The following SNX20 variants were observed in gnomAD, a reference collection of about 807,000 sequenced individuals.
The protein encoded by SNX20 is sorting nexin 20, also known as sorting nexin-20.
SNX20 carries 21 observed loss-of-function variants against 24.5 expected under a neutral mutation model. That is an observed-to-expected ratio of 0.86 (90% CI 0.61 to 1.23). The LOEUF is 1.23. Among genes scored for constraint, SNX20 ranks in the 50% most tolerant of loss-of-function variants. The pLI is 0.00. For missense variants in SNX20, 433 were observed against 430.8 expected, an observed-to-expected ratio of 1.00 and a Z score of -0.04; for synonymous variants, 206 against 192.8, an observed-to-expected ratio of 1.07 and a Z score of -0.57.
chr16:50,674,581 G>T (rs1419859062), intron 3 of SNX20, among the ~76,000 whole-genome samples: 2 of 152,180 alleles, frequency 1.3e-5, no homozygotes, highest in African/African-American at 4.8e-5. Flanking sequence ...GGCATCAGCT[G>T]AGTCAACCCT....
intron 2 of SNX20, 110 bp from the exon 3 acceptor site, chr16:50,676,031 A>G (rs2150762231): frequency 8.5e-7 from 1 of 1,181,566 alleles, no homozygotes; most frequent in African/African-American, 1.6e-5. Context: ...ACTCCTGAAG[A>G]GTATTGAATA....
chr16:50,677,611 T>C (rs1963214153), intron 1 of SNX20, 76 bp from the exon 2 acceptor site: 10 of 1,352,316 alleles, frequency 7.4e-6, no homozygotes, highest in Non-Finnish European at 9.7e-6. Context: ...GCCTAGGAGC[T>C]GTGTCATGCC....
chr16:50,667,800 T>C (rs1225453085), downstream of SNX20: 40 of 609,410 alleles, frequency 6.6e-5, 2 homozygotes, highest in Non-Finnish European at 2.6e-5. Flanking sequence ...CAGTCTGCCC[T>C]GAACTGTGCC....
chr16:50,679,618 T>C (rs1963254467), intron 1 of SNX20, among the ~76,000 whole-genome samples: 2 of 152,192 alleles, frequency 1.3e-5, no homozygotes, highest in Non-Finnish European at 2.9e-5. Flanking sequence ...TCAGGAGACA[T>C]CGCCTTCCAT....
chr16:50,677,589 G>A, intron 1 of SNX20, 54 bp from the exon 2 acceptor site: 1 of 1,431,664 alleles, frequency 7.0e-7, no homozygotes, highest in Non-Finnish European at 9.2e-7. Flanking sequence ...GGTTCCCGGT[G>A]GCTCCTGGGG....
rs1011135820 is a variant in SNX20 at position 50,679,620 on chromosome 16, G to A, written c.-10+1570C>T. On this transcript the variant is annotated intron_variant, in intron 1 of 3. Coordinates refer to ENST00000330943, the MANE Select transcript of SNX20 (RefSeq NM_182854.4). Reference sequence around the variant, plus strand: ...GCCTGTCAGGGAGTCAGGAGACATCGCCTTCCATCCTGACCAACCGTGTGT... The same window carrying A: ...GCCTGTCAGGGAGTCAGGAGACATCACCTTCCATCCTGACCAACCGTGTGT... 5.9e-5 allele frequency among the ~76,000 whole-genome samples: 9 copies of A among 152,312 alleles called. No homozygotes were observed. In the South Asian group the frequency reaches 6.2e-4, roughly 11 times the overall value.
rs371209925 is a variant in SNX20, at chr16:50,677,425, G to A, written c.102C>T (p.Leu34=). ...QQEAPATGPD[L]PHPGPDGHLD... is the part of the protein sequence containing the mutation. ...AGTGCCCGTCAGGTCCTGGGTGCGG[G>A]AGGTCGGGGCCAGTGGCTGGTGCTT... is the stretch of plus-strand genomic sequence containing the variant. The change falls in exon 2 of 4, where the codon CTC becomes CTT. Residue 34 remains leucine, a synonymous_variant. Transcript: ENST00000330943. The A allele has an allele frequency of 2.5e-6, 4 of 1,607,348 alleles. No individual in the cohort carries two copies. In the African/African-American group the frequency reaches 4.0e-5, roughly 16 times the overall value.
At chr16:50,679,512 G>A (rs1254049278) in intron 1 of SNX20, among the ~76,000 whole-genome samples, 1 of 152,248 alleles carries the variant, frequency 6.6e-6, no homozygotes, top group Non-Finnish European at 1.5e-5. Flanking sequence ...TGGGCAAACA[G>A]AGGCACGGAG....
At chr16:50,667,370 C>G (rs1180370529), downstream of SNX20, 2 of 153,896 alleles carry the variant, frequency 1.3e-5, no homozygotes, top group African/African-American at 4.8e-5. Flanking sequence ...ATTCTCCCCT[C>G]TCTGTGCTCC....
chr16:50,668,875 C>CA, downstream of SNX20: 1 of 1,407,016 alleles, frequency 7.1e-7, no homozygotes, highest in Non-Finnish European at 9.3e-7. Context: ...GCCAAGGGGT[C>CA]ACAGTCCACC....
chr16:50,678,084 C>A (rs759503598), intron 1 of SNX20, among the ~76,000 whole-genome samples: 1 of 152,080 alleles, frequency 6.6e-6, no homozygotes, highest in Non-Finnish European at 1.5e-5. Context: ...CGCCTGTGGT[C>A]CCAGCTACTT....
Position 50,677,532 on chromosome 16 carries a change from A to G in SNX20, c.-6T>C. On this transcript the variant is annotated 5_prime_UTR_variant, in exon 2 of 4. Transcript: ENST00000330943. Reference sequence around the variant, plus strand: ...GGGTGCTCTGGACTTGCCATGCTCCAAGGCTGCCAGAGGAAAAAGAGAACA... The same window carrying G: ...GGGTGCTCTGGACTTGCCATGCTCCGAGGCTGCCAGAGGAAAAAGAGAACA... 6.4e-7 allele frequency: 1 copy of G among 1,564,388 alleles called. No individual in the cohort carries two copies. Among genetic ancestry groups the G allele is most frequent in the African/African-American group, 1.4e-5 (1 of 72,816 alleles).
intron 3 of SNX20, 24 bp downstream of exon 3, chr16:50,675,746 C>T (rs1326228642): frequency 2.5e-6 from 4 of 1,610,258 alleles, no homozygotes; most frequent in Non-Finnish European, 3.4e-6. Context: ...AAAGAGGCTC[C>T]ACCATTTCCC....
At chr16:50,667,712 G>C, downstream of SNX20, 1 of 413,600 alleles carries the variant, frequency 2.4e-6, no homozygotes, top group Non-Finnish European at 4.3e-6. Flanking sequence ...AACTAGTTTT[G>C]CTGCTCCAAA....
At position 50,673,692 on chromosome 16, in the gene SNX20, C is replaced by T. The variant is rs1277676175; in HGVS notation, c.665G>A (p.Cys222Tyr). 2 of 1,498,990 alleles carry T rather than the reference C, an allele frequency of 1.3e-6. No individual in the cohort carries two copies. The highest frequency in any genetic ancestry group is 5.3e-5 in the East Asian group (2 of 37,950). 92.9% of individuals were successfully genotyped at this position (1,498,990 alleles called of 1,614,324 possible). A position where few individuals can be genotyped will look rare whatever the true frequency, so the allele number is the denominator to read the frequency against. ...LPLQEKLTAH[C>Y]PAAAVPALCA... ...CAGGGCCGGGACGGCGGCCGCAGGG[C>T]AGTGGGCGGTGAGCTTCTCCTGCAG... The change falls in exon 4 of 4, where the codon TGC becomes TAC. Residue 222 changes from cysteine to tyrosine, a missense_variant. Cys to Tyr is a radical substitution (Grantham distance 194). Transcript: ENST00000330943. This position sits in a 1 kb window ranked among gnomAD's most constrained non-coding sequence, Gnocchi z 4.1.
chr16:50,678,327 C>T (rs1003235147), intron 1 of SNX20, among the ~76,000 whole-genome samples: 7 of 152,180 alleles, frequency 4.6e-5, no homozygotes, highest in Admixed American at 6.5e-5. Context: ...CACTTCATAC[C>T]CATCTAGGTT....
Position 50,673,562 on chromosome 16 carries a change from G to GT in SNX20, c.794dup (p.Tyr265Ter). The part of the protein sequence containing the change: ...QRLQAREGHR[Y>*]YAPLLDAMVR... The stretch of plus-strand genomic sequence containing the variant: ...CCATGGCGTCCAGCAGAGGCGCATA[G>GT]TAGCGATGGCCCTCCCGGGCCTGCA... Residue 265 changes from tyrosine to a stop codon, truncating the protein, a stop_gained and frameshift_variant, in exon 4 of 4, where the codon TAC becomes TAAC. Transcript: ENST00000330943. LOFTEE classifies it high-confidence loss of function. The surrounding 1 kb of genome is among the most constrained non-coding windows in gnomAD (Gnocchi z 4.1). 6.2e-7 allele frequency: 1 copy of GT among 1,604,254 alleles called. No individual in the cohort carries two copies. The highest frequency in any genetic ancestry group is 8.5e-7 in the Non-Finnish European group (1 of 1,177,958).
At chr16:50,667,149 C>G (rs948351366), downstream of SNX20, 1 of 152,238 alleles carries the variant, frequency 6.6e-6, no homozygotes, top group African/African-American at 2.4e-5. Context: ...TAACTGGAGG[C>G]GGGCGGTGCA....
chr16:50,674,162 G>A, intron 3 of SNX20, 88 bp from the exon 4 acceptor site: 1 of 1,465,256 alleles, frequency 6.8e-7, no homozygotes, highest in Non-Finnish European at 9.0e-7. Flanking sequence ...AACCAGGCCG[G>A]TGTAAAGCAT....
Sources: gnomAD v4.1 joint callset for allele counts (sites outside exome capture counted in the v4.1 genomes callset) on GRCh38, gnomAD v4.1.1 for gene constraint, Gnocchi (gnomAD v3.1) non-coding constraint, MANE v1.5 for transcripts, NCBI Gene and HGNC (gene_info 2026-07-23, HGNC 2026-07-21) for gene names.